RUNX1: variants seen among roughly 807,000 people sequenced by gnomAD.
RUNX1 encodes the protein RUNX family transcription factor 1.
In RUNX1, 19 loss-of-function variants were observed where a neutral mutation model predicts 42.8. The observed-to-expected ratio is 0.44, with a 90% CI of 0.31 to 0.65. The LOEUF (loss-of-function observed/expected upper bound fraction) is 0.65, where lower values mean the gene tolerates loss of function less well. Among genes scored for constraint, RUNX1 ranks in the 30% least tolerant of loss-of-function variants. The pLI, the probability that RUNX1 is intolerant of heterozygous loss-of-function variation, is 0.07. For synonymous variants in RUNX1, 271 were observed against 289.4 expected (o/e 0.94, Z 0.64); for missense variants, 528 against 672.0 (o/e 0.79, Z 2.37).
intron 2 of RUNX1, among the ~76,000 whole-genome samples, chr21:34,904,957 T>G (rs2058206299): frequency 1.3e-5 from 2 of 149,756 alleles, no homozygotes; most frequent in Non-Finnish European, 2.9e-5. Flanking sequence ...CACCAAATAA[T>G]GAAGTAGACT....
chr21:35,039,172 G>A (rs1052388518), intron 2 of RUNX1, among the ~76,000 whole-genome samples: 2 of 152,224 alleles, frequency 1.3e-5, no homozygotes, highest in African/African-American at 4.8e-5. Context: ...TCTGAGCAAT[G>A]CAAAGGGGAA....
chr21:34,899,133 C>T (rs1431530611), intron 2 of RUNX1, among the ~76,000 whole-genome samples: 5 of 152,146 alleles, frequency 3.3e-5, no homozygotes, highest in Non-Finnish European at 5.9e-5. Context: ...ACGCTGGTCT[C>T]GAACTTCTGA....
chr21:34,832,499 G>A (rs927226019), intron 7 of RUNX1, among the ~76,000 whole-genome samples: 2 of 152,170 alleles, frequency 1.3e-5, no homozygotes, highest in Admixed American at 6.5e-5. Context: ...AATCAACCTA[G>A]TAGTATAAAT....
At chr21:34,826,434 C>CTTTCT (rs1555888691) in intron 7 of RUNX1, among the ~76,000 whole-genome samples, 1 of 105,366 alleles carries the variant, frequency 9.5e-6, no homozygotes, top group Non-Finnish European at 1.8e-5. Context: ...TTCTTTCTTT[C>CTTTCT]TTTTTTTTTT....
At chr21:34,990,626 A>C (rs2058929776) in intron 2 of RUNX1, among the ~76,000 whole-genome samples, 1 of 151,454 alleles carries the variant, frequency 6.6e-6, no homozygotes, top group Non-Finnish European at 1.5e-5. Flanking sequence ...TAACGGATAT[A>C]ATGTTGGGAT....
intron 7 of RUNX1, among the ~76,000 whole-genome samples, chr21:34,803,785 G>C (rs1207470235): frequency 6.6e-6 from 1 of 152,180 alleles, no homozygotes; most frequent in Admixed American, 6.5e-5. Context: ...GTAGAGTTGA[G>C]GTTAGTGGTG....
chr21:34,830,713 G>A (rs1011908172), intron 7 of RUNX1, among the ~76,000 whole-genome samples: 14 of 152,216 alleles, frequency 9.2e-5, no homozygotes, highest in Admixed American at 2.6e-4. Flanking sequence ...TCTGAATTTC[G>A]ATTTCTCTGT....
chr21:34,906,968 G>A (rs763105653), intron 2 of RUNX1, among the ~76,000 whole-genome samples: 31 of 152,178 alleles, frequency 2.0e-4, no homozygotes, highest in Non-Finnish European at 4.1e-4. Context: ...AGAGAGTCAC[G>A]TGCCCTTTTG....
intron 2 of RUNX1, among the ~76,000 whole-genome samples, chr21:34,987,486 G>A (rs1012174077): frequency 1.3e-5 from 2 of 152,174 alleles, no homozygotes; most frequent in Non-Finnish European, 1.5e-5. Flanking sequence ...GAGAAAGTGA[G>A]GGGGCTTTGT....
chr21:34,947,899 G>A (rs971356262), intron 2 of RUNX1, among the ~76,000 whole-genome samples: 61 of 152,218 alleles, frequency 4.0e-4, no homozygotes, highest in African/African-American at 1.3e-3. Context: ...GTCATGCTGC[G>A]AGGAAGTATT....
chr21:34,827,196 G>A (rs2057000135), intron 7 of RUNX1, among the ~76,000 whole-genome samples: 1 of 152,236 alleles, frequency 6.6e-6, no homozygotes, highest in Non-Finnish European at 1.5e-5. Flanking sequence ...AATTGTGTCT[G>A]TGTCCTAGGA....
At chr21:34,942,738 G>A (rs2146638264) in intron 2 of RUNX1, among the ~76,000 whole-genome samples, 1 of 152,292 alleles carries the variant, frequency 6.6e-6, no homozygotes, top group Non-Finnish European at 1.5e-5. Flanking sequence ...CTCTCTTGCT[G>A]GCATTCAGTG....
chr21:34,834,518 G>A lies in RUNX1; in HGVS notation c.697C>T (p.Arg233Cys), dbSNP rs765528082. The A allele has an allele frequency of 8.1e-6, 13 of 1,613,148 alleles. No individual in the cohort carries two copies. The highest frequency in any genetic ancestry group is 8.5e-6 in the Non-Finnish European group (10 of 1,180,004). Residue 233 changes from arginine to cysteine, a missense_variant, in exon 7 of 9, where the codon CGC becomes TGC. Arg to Cys is a radical substitution (Grantham distance 180). Coordinates refer to ENST00000675419, the MANE Select transcript of RUNX1 (RefSeq NM_001754.5). ...TGTGGGCTGACCCTCATGGCTGTGC[G>A]CCGCAGCTGCTCCAGTTCACTGAGC... ...ERLSELEQLR[R>C]TAMRVSPHHP...
intron 2 of RUNX1, among the ~76,000 whole-genome samples, chr21:34,952,080 C>T (rs1427879212): frequency 2.6e-5 from 4 of 152,144 alleles, no homozygotes. Flanking sequence ...TTTGCAGGGA[C>T]ATGGATGAAG....
At chr21:34,943,326 ACC>A (rs61629753) in intron 2 of RUNX1, among the ~76,000 whole-genome samples, 10,744 of 152,238 alleles carry the variant, frequency 0.071, 526 homozygotes, top group African/African-American at 0.12. Context: ...TGCTGTCTTT[ACC>A]AGATGTACCC....
chr21:34,894,705 A>G (rs907752339), intron 2 of RUNX1, among the ~76,000 whole-genome samples: 10 of 152,034 alleles, frequency 6.6e-5, no homozygotes, highest in Admixed American at 3.3e-4. Context: ...TCTTCCCTAC[A>G]TCCCCCATTG....
chr21:35,015,096 C>A (rs984294946), intron 2 of RUNX1, among the ~76,000 whole-genome samples: 2 of 152,170 alleles, frequency 1.3e-5, no homozygotes, highest in African/African-American at 4.8e-5. Flanking sequence ...TGAATAAGCG[C>A]GGAGATGCTG....
At chr21:35,040,718 C>T (rs188033036) in intron 2 of RUNX1, among the ~76,000 whole-genome samples, 1 of 141,050 alleles carries the variant, frequency 7.1e-6, no homozygotes, top group East Asian at 2.1e-4. Context: ...TTGCAGTGAG[C>T]TGAGATGGGG....
intron 6 of RUNX1, among the ~76,000 whole-genome samples, chr21:34,853,271 T>G (rs527429849): frequency 6.6e-6 from 1 of 151,742 alleles, no homozygotes; most frequent in East Asian, 1.9e-4. Flanking sequence ...GAGGGGAGGG[T>G]ACTTCCTGCA....
Sources: gnomAD v4.1 joint callset for allele counts (sites outside exome capture counted in the v4.1 genomes callset) on GRCh38, gnomAD v4.1.1 for gene constraint, MANE v1.5 for transcripts, NCBI Gene and HGNC (gene_info 2026-07-23, HGNC 2026-07-21) for gene names.